The following SYT10 variants were observed in gnomAD, a reference collection of about 807,000 sequenced individuals.
SYT10 encodes synaptotagmin 10, also known as synaptotagmin-10.
In SYT10, 31 loss-of-function variants were observed where a neutral mutation model predicts 51.1. The ratio of observed to expected loss-of-function variants is 0.61; its 90% CI spans 0.46 to 0.82. SYT10 has a LOEUF of 0.82. Among genes scored for constraint, SYT10 ranks in the 40% least tolerant of loss-of-function variants. The probability of loss-of-function intolerance (pLI) is 0.00; values close to 1 mark genes in which losing one functional copy is unlikely to be tolerated. For missense variants in SYT10, 603 were observed against 634.0 expected (o/e 0.95, Z 0.53); for synonymous variants, 233 against 225.9 (o/e 1.03, Z -0.28).
chr12:33,407,055 C>A lies in SYT10; in HGVS notation c.811G>T (p.Val271Leu), dbSNP rs370609371. 1.2e-6 allele frequency: 2 copies of A among 1,614,174 alleles called. No homozygotes were observed. The highest frequency in any genetic ancestry group is 1.7e-6 in the Non-Finnish European group (2 of 1,180,024). ...KDFTGTSDPY[V>L]KMYLLPDRKK... ...CTATCTGGAAGAAGATACATCTTCA[C>A]ATAAGGGTCAGAAGTTCCTGTGAAG... Residue 271 changes from valine (V) to leucine (L), a missense_variant, in exon 3 of 7, where the codon GTG (valine) becomes TTG (leucine). Val to Leu is a conservative substitution (Grantham distance 32). Coordinates refer to ENST00000228567, the MANE Select transcript of SYT10 (RefSeq NM_198992.4).
At chr12:33,426,092 A>AAG in intron 2 of SYT10, 46 bp downstream of exon 2, 1 of 1,498,170 alleles carries the variant, frequency 6.7e-7, no homozygotes. Context: ...ACACACACAC[A>AAG]CACACACGCA....
intron 1 of SYT10, among the ~76,000 whole-genome samples, chr12:33,429,630 A>T (rs151086355): frequency 6.6e-6 from 1 of 152,252 alleles, no homozygotes; most frequent in East Asian, 1.9e-4. Context: ...CAAAGGAGAG[A>T]GTGTATTGGG....
chr12:33,382,940 G>A (rs945270379), intron 4 of SYT10, among the ~76,000 whole-genome samples: 1 of 152,138 alleles, frequency 6.6e-6, no homozygotes, highest in Non-Finnish European at 1.5e-5. Context: ...ATGATAAAAG[G>A]GGGGATATTT....
chr12:33,419,683 A>G (rs1866484102), intron 2 of SYT10, among the ~76,000 whole-genome samples: 1 of 151,396 alleles, frequency 6.6e-6, no homozygotes, highest in Admixed American at 6.6e-5. Flanking sequence ...TGTTTAAAAA[A>G]ATATGACATA....
At chr12:33,417,117 A>G (rs1320188795) in intron 2 of SYT10, among the ~76,000 whole-genome samples, 1 of 152,180 alleles carries the variant, frequency 6.6e-6, no homozygotes, top group Non-Finnish European at 1.5e-5. Context: ...GTGAGAAGGT[A>G]TAAAATGGTG....
chr12:33,402,620 T>C (rs1299837610), intron 3 of SYT10, among the ~76,000 whole-genome samples: 1 of 152,220 alleles, frequency 6.6e-6, no homozygotes, highest in Non-Finnish European at 1.5e-5. Context: ...GAACTAAACT[T>C]TGTTCACAGG....
At chr12:33,426,621 G>A in intron 1 of SYT10, 126 bp from the exon 2 acceptor site, 4 of 892,012 alleles carry the variant, frequency 4.5e-6, no homozygotes, top group Non-Finnish European at 6.5e-6. Flanking sequence ...TCAATTTTAA[G>A]TTATCTTTGT....
At chr12:33,380,218 A>C (rs10506108) in intron 5 of SYT10, among the ~76,000 whole-genome samples, 2,673 of 152,308 alleles carry the variant, frequency 0.018, 29 homozygotes, top group Middle Eastern at 0.034. Context: ...ATTTCATCAT[A>C]ATAAAAATGG....
At chr12:33,406,745 G>A in intron 3 of SYT10, 44 bp downstream of exon 3, 1 of 1,481,820 alleles carries the variant, frequency 6.7e-7, no homozygotes, top group Non-Finnish European at 9.1e-7. Flanking sequence ...ACATAGCATT[G>A]TAAGTCAAAT....
chr12:33,435,249 A>G (rs1257994669), intron 1 of SYT10, among the ~76,000 whole-genome samples: 1 of 152,246 alleles, frequency 6.6e-6, no homozygotes, highest in Admixed American at 6.5e-5. Context: ...TACAGCTTTT[A>G]ATTTGTCACA....
chr12:33,426,528 A>C, intron 1 of SYT10, 33 bp from the exon 2 acceptor site: 1 of 1,444,254 alleles, frequency 6.9e-7, no homozygotes, highest in Non-Finnish European at 9.3e-7. Flanking sequence ...ATGATTAATT[A>C]ATATTGTACA....
chr12:33,385,408 G>A, intron 3 of SYT10, 117 bp from the exon 4 acceptor site: 1 of 1,364,114 alleles, frequency 7.3e-7, no homozygotes, highest in Non-Finnish European at 9.7e-7. Context: ...GGATAATACA[G>A]ATAACATTGC....
intron 2 of SYT10, among the ~76,000 whole-genome samples, chr12:33,414,423 C>T (rs1212172833): frequency 1.3e-5 from 2 of 152,150 alleles, no homozygotes; most frequent in Non-Finnish European, 2.9e-5. Context: ...GAAATGACCA[C>T]ATAGTTGGAA....
intron 3 of SYT10, among the ~76,000 whole-genome samples, chr12:33,406,320 A>G (rs1345545954): frequency 6.6e-6 from 1 of 152,134 alleles, no homozygotes; most frequent in Non-Finnish European, 1.5e-5. Flanking sequence ...GGGTTGTTTC[A>G]GATCAAACCA....
chr12:33,422,513 A>G (rs1471738814), intron 2 of SYT10, among the ~76,000 whole-genome samples: 2 of 152,068 alleles, frequency 1.3e-5, no homozygotes, highest in East Asian at 1.9e-4. Context: ...TTGACAAGAG[A>G]GACTCTGAAC....
At chr12:33,404,155 T>A (rs1866331360) in intron 3 of SYT10, among the ~76,000 whole-genome samples, 1 of 152,188 alleles carries the variant, frequency 6.6e-6, no homozygotes, top group African/African-American at 2.4e-5. Flanking sequence ...GTGAATAATG[T>A]TACTTAAATG....
intron 5 of SYT10, 138 bp from the exon 6 acceptor site, chr12:33,380,099 A>G: frequency 1.2e-6 from 1 of 858,180 alleles, no homozygotes; most frequent in East Asian, 2.8e-5. Flanking sequence ...TTCAGACCGA[A>G]TGAAATCTCT....
At chr12:33,379,368 A>G (rs1866093051) in intron 6 of SYT10, among the ~76,000 whole-genome samples, 1 of 151,996 alleles carries the variant, frequency 6.6e-6, no homozygotes, top group African/African-American at 2.4e-5. Context: ...TGAGGGAGAC[A>G]TATCTTTCCC....
chr12:33,416,904 C>T (rs1001043239), intron 2 of SYT10, among the ~76,000 whole-genome samples: 5 of 152,126 alleles, frequency 3.3e-5, no homozygotes, highest in African/African-American at 1.2e-4. Flanking sequence ...TGGAGGGATT[C>T]GTTATAGATA....
Sources: gnomAD v4.1 joint callset for allele counts (sites outside exome capture counted in the v4.1 genomes callset) on GRCh38, gnomAD v4.1.1 for gene constraint, MANE v1.5 for transcripts, NCBI Gene and HGNC (gene_info 2026-07-23, HGNC 2026-07-21) for gene names.